Variants in RAD51B observed in about 807,000 individuals in gnomAD.
RAD51B encodes the protein RAD51 paralog B.
In RAD51B, 38 loss-of-function variants were observed where a neutral mutation model predicts 42.2. That is an observed-to-expected ratio of 0.90 (90% confidence interval 0.70 to 1.18). The LOEUF is 1.18. Among genes scored for constraint, RAD51B ranks in the 50% most tolerant of loss-of-function variants. The pLI is 0.00. For synonymous variants in RAD51B, 154 were observed against 145.2 expected (o/e 1.06, Z -0.43); for missense variants, 373 against 400.7 (o/e 0.93, Z 0.59).
intron 7 of RAD51B, among the ~76,000 whole-genome samples, chr14:68,126,201 A>G (rs2077756011): frequency 6.6e-6 from 1 of 152,180 alleles, no homozygotes; most frequent in African/African-American, 2.4e-5. Flanking sequence ...AACAAAAATC[A>G]TTCTTTTATC....
At chr14:68,393,639 G>C (rs537803766) in intron 8 of RAD51B, among the ~76,000 whole-genome samples, 43 of 152,292 alleles carry the variant, frequency 2.8e-4, no homozygotes, top group Middle Eastern at 3.4e-3. Flanking sequence ...TTTTTATTGA[G>C]CCGCTCCATG....
rs34579667 is a variant in RAD51B at position 68,344,946 on chromosome 14, CAA to C, written c.853+52986_853+52987del. ...TGGGCAACAGTGTAAGACTCAATCTCAAAAAAAAAAAAAAAAAAAAACAACAT... is the reference window on the plus strand; with the variant it reads ...TGGGCAACAGTGTAAGACTCAATCTCAAAAAAAAAAAAAAAAAAACAACAT... On this transcript the variant is annotated intron_variant, in intron 8 of 10. Coordinates refer to ENST00000471583, the MANE Select transcript of RAD51B (RefSeq NM_133510.4). Among the ~76,000 whole-genome samples, 924 of 113,222 alleles carry C rather than the reference CAA, an allele frequency of 8.2e-3. 6 individuals are homozygous for C. Among genetic ancestry groups the C allele is most frequent in the African/African-American group, 0.024 (793 of 32,680 alleles). The allele number at this position is 113,222 out of a possible 152,430, so 74.3% of individuals were successfully genotyped here.
intron 10 of RAD51B, among the ~76,000 whole-genome samples, chr14:68,578,205 C>T (rs1156702921): frequency 6.6e-6 from 1 of 152,210 alleles, no homozygotes; most frequent in African/African-American, 2.4e-5. Context: ...GTGGGCAGAT[C>T]ACTTGAGGTC....
intron 8 of RAD51B, among the ~76,000 whole-genome samples, chr14:68,357,976 A>G (rs564655131): frequency 4.3e-4 from 65 of 152,296 alleles, no homozygotes; most frequent in African/African-American, 1.5e-3. Context: ...CCTAATTTCA[A>G]TGTTCTTGGC....
At chr14:68,462,602 G>T (rs557774834) in intron 9 of RAD51B, among the ~76,000 whole-genome samples, 1 of 152,252 alleles carries the variant, frequency 6.6e-6, no homozygotes, top group Non-Finnish European at 1.5e-5. Context: ...TGTTGCCCAG[G>T]CTGGTCTCAA....
intron 10 of RAD51B, among the ~76,000 whole-genome samples, chr14:68,604,276 A>G (rs1388879298): frequency 8.0e-6 from 1 of 124,308 alleles, no homozygotes; most frequent in African/African-American, 3.2e-5. Context: ...GCACAAGGCC[A>G]CGCCAATGAA....
chr14:67,982,335 T>G (rs989851610), intron 7 of RAD51B, among the ~76,000 whole-genome samples: 2 of 152,186 alleles, frequency 1.3e-5, no homozygotes, highest in Admixed American at 6.5e-5. Context: ...AAACATGCAG[T>G]TCACCATTGA....
At chr14:68,285,660 G>A (rs1312246101) in intron 7 of RAD51B, among the ~76,000 whole-genome samples, 1 of 152,198 alleles carries the variant, frequency 6.6e-6, no homozygotes, top group African/African-American at 2.4e-5. Flanking sequence ...GTTAGATTGT[G>A]GCAGGTTTCT....
chr14:68,592,163 CG>C (rs2140079611), intron 10 of RAD51B, among the ~76,000 whole-genome samples: 2 of 152,136 alleles, frequency 1.3e-5, no homozygotes, highest in South Asian at 4.1e-4. Flanking sequence ...CCCCCTCCCC[CG>C]CAGCTAGGGC....
At chr14:68,103,174 A>G (rs569048432) in intron 7 of RAD51B, among the ~76,000 whole-genome samples, 1 of 152,204 alleles carries the variant, frequency 6.6e-6, no homozygotes, top group African/African-American at 2.4e-5. Flanking sequence ...CAACCCCCAC[A>G]CCAATGCATG....
intron 7 of RAD51B, among the ~76,000 whole-genome samples, chr14:68,213,932 C>G (rs1274659): frequency 0.17 from 26,560 of 152,126 alleles, 2,478 homozygotes; most frequent in Middle Eastern, 0.37. Context: ...GTAAAAAAAT[C>G]ACTTCTCATT....
chr14:67,835,124 A>C lies in RAD51B; in HGVS notation c.243A>C (p.Ala81=). The change falls in exon 4 of 11, where the codon GCA becomes GCC. Residue 81 remains alanine (A), a synonymous_variant. Transcript: ENST00000471583. ...KAQRSADFSP[A]FLSTTLSALD... is the part of the protein sequence containing the mutation. ...AAAGGTCTGCTGATTTCTCACCAGC[A>C]TTCTTATCTACTACCCTTTCTGCTT... 1.2e-6 allele frequency: 2 copies of C among 1,614,028 alleles called. No individual in the cohort carries two copies. Among genetic ancestry groups the C allele is most frequent in the Non-Finnish European group, 1.7e-6 (2 of 1,179,932 alleles).
At chr14:67,894,268 T>C (rs2043331819) in intron 7 of RAD51B, among the ~76,000 whole-genome samples, 1 of 152,250 alleles carries the variant, frequency 6.6e-6, no homozygotes, top group South Asian at 2.1e-4. Context: ...CCTCCTAAAA[T>C]ATTTTTTAAC....
intron 7 of RAD51B, among the ~76,000 whole-genome samples, chr14:68,209,636 A>G (rs1233941714): frequency 4.6e-5 from 7 of 152,132 alleles, no homozygotes; most frequent in Non-Finnish European, 7.4e-5. Context: ...CTTTTAATCT[A>G]CTTTTGGGAA....
intron 10 of RAD51B, among the ~76,000 whole-genome samples, chr14:68,560,478 G>A (rs1183571135): frequency 2.0e-5 from 3 of 152,140 alleles, no homozygotes; most frequent in Non-Finnish European, 4.4e-5. Flanking sequence ...GCTCACGCCT[G>A]TAATCCCAGC....
intron 4 of RAD51B, among the ~76,000 whole-genome samples, chr14:67,847,593 G>A (rs972143278): frequency 1.3e-5 from 2 of 152,066 alleles, no homozygotes; most frequent in Non-Finnish European, 2.9e-5. Context: ...AGTTTTGAGA[G>A]ATCTTCTTGA....
chr14:67,868,995 G>A (rs377072727), intron 5 of RAD51B, among the ~76,000 whole-genome samples: 2 of 152,212 alleles, frequency 1.3e-5, no homozygotes, highest in African/African-American at 4.8e-5. Flanking sequence ...AAAAAACAGA[G>A]CAGAAAAACT....
intron 7 of RAD51B, among the ~76,000 whole-genome samples, chr14:67,920,169 A>T (rs1360967818): frequency 6.6e-6 from 1 of 152,142 alleles, no homozygotes; most frequent in Non-Finnish European, 1.5e-5. Flanking sequence ...TTTTAGATGA[A>T]AAGCAACTGA....
chr14:68,677,050 CCT>C (rs1893321227), intron 11 of RAD51B, among the ~76,000 whole-genome samples: 1 of 152,150 alleles, frequency 6.6e-6, no homozygotes, highest in Non-Finnish European at 1.5e-5. Context: ...TATGCTCCCC[CCT>C]GTCATAGATG....
Sources: gnomAD v4.1 joint callset for allele counts (sites outside exome capture counted in the v4.1 genomes callset) on GRCh38, gnomAD v4.1.1 for gene constraint, MANE v1.5 for transcripts, NCBI Gene and HGNC (gene_info 2026-07-23, HGNC 2026-07-21) for gene names.